GALNT11: variants seen among roughly 807,000 people sequenced by gnomAD.
GALNT11 encodes the protein polypeptide N-acetylgalactosaminyltransferase 11, also known as UDP-GalNAc:polypeptide N-acetylgalactosaminyltransferase 11.
GALNT11 carries 47 observed loss-of-function variants against 72.7 expected under a neutral mutation model. That is an observed-to-expected ratio of 0.65 (90% CI 0.51 to 0.82). GALNT11 has a LOEUF of 0.82. Ranked by LOEUF, GALNT11 falls within the 40% of genes least tolerant of loss-of-function variation. GALNT11 has a pLI of 0.00. For missense variants in GALNT11, 677 were observed against 778.4 expected, an observed-to-expected ratio of 0.87 and a Z score of 1.55; for synonymous variants, 270 against 286.6, an observed-to-expected ratio of 0.94 and a Z score of 0.58.
At chr7:152,058,579 G>A (rs967318753) in intron 1 of GALNT11, among the ~76,000 whole-genome samples, 4 of 151,990 alleles carry the variant, frequency 2.6e-5, no homozygotes, top group Admixed American at 6.6e-5. Flanking sequence ...CAAATGATCC[G>A]CCTGTCTCGG....
intron 1 of GALNT11, among the ~76,000 whole-genome samples, chr7:152,093,235 G>GA (rs779508496): frequency 0.06 from 6,571 of 109,830 alleles, 272 homozygotes; most frequent in African/African-American, 0.15. Context: ...TCTTAAAAAG[G>GA]AAAAAAAAAA....
At chr7:152,053,854 G>A (rs1016029988) in intron 1 of GALNT11, among the ~76,000 whole-genome samples, 10 of 152,058 alleles carry the variant, frequency 6.6e-5, no homozygotes, top group African/African-American at 2.4e-4. Context: ...AATAAACCTT[G>A]CAATTTATAA....
chr7:152,053,195 C>T (rs1276394621), intron 1 of GALNT11, among the ~76,000 whole-genome samples: 1 of 152,172 alleles, frequency 6.6e-6, no homozygotes, highest in Non-Finnish European at 1.5e-5. Flanking sequence ...AAGACAATAC[C>T]CTTTTTGCAT....
chr7:152,072,097 A>ATCACTTGAGG (rs2084684957), intron 1 of GALNT11, among the ~76,000 whole-genome samples: 1 of 151,354 alleles, frequency 6.6e-6, no homozygotes, highest in Non-Finnish European at 1.5e-5. Flanking sequence ...AGGCAGGTGG[A>ATCACTTGAGG]TCACTTGAGG....
intron 5 of GALNT11, chr7:152,107,735 G>T: frequency 4.3e-6 from 1 of 233,876 alleles, no homozygotes; most frequent in East Asian, 8.6e-5. Context: ...GAGTTGTTAC[G>T]GTGAGACTTT....
intron 1 of GALNT11, among the ~76,000 whole-genome samples, chr7:152,071,551 A>G (rs974763498): frequency 6.6e-6 from 1 of 152,144 alleles, no homozygotes; most frequent in Non-Finnish European, 1.5e-5. Context: ...TGTGCAGTTA[A>G]TGCAATTATC....
At chr7:152,068,410 T>C (rs1347596273) in intron 1 of GALNT11, among the ~76,000 whole-genome samples, 2 of 152,236 alleles carry the variant, frequency 1.3e-5, no homozygotes, top group African/African-American at 2.4e-5. Context: ...TTCATTCATC[T>C]TTTGAGGGAC....
chr7:152,055,330 T>C (rs574110695), intron 1 of GALNT11, among the ~76,000 whole-genome samples: 1 of 152,286 alleles, frequency 6.6e-6, no homozygotes, highest in African/African-American at 2.4e-5. Flanking sequence ...CAGCAGATAT[T>C]TTCTTAAACT....
chr7:152,080,303 C>G (rs555208607), intron 1 of GALNT11, among the ~76,000 whole-genome samples: 1 of 152,232 alleles, frequency 6.6e-6, no homozygotes, highest in South Asian at 2.1e-4. Flanking sequence ...TATCCTATTT[C>G]TTTCATAGCC....
intron 1 of GALNT11, among the ~76,000 whole-genome samples, chr7:152,032,485 C>T (rs1022828528): frequency 6.6e-6 from 1 of 152,208 alleles, no homozygotes; most frequent in South Asian, 2.1e-4. Context: ...TAAGATCTTG[C>T]ACTAGACTCC....
chr7:152,111,869 T>C (rs2129062645), intron 7 of GALNT11, among the ~76,000 whole-genome samples: 1 of 152,254 alleles, frequency 6.6e-6, no homozygotes, highest in South Asian at 2.1e-4. Flanking sequence ...CCATTGTACT[T>C]TCAGAAACAG....
intron 1 of GALNT11, among the ~76,000 whole-genome samples, chr7:152,068,178 G>A (rs1007731574): frequency 2.0e-5 from 3 of 151,940 alleles, no homozygotes; most frequent in Non-Finnish European, 4.4e-5. Flanking sequence ...TGAACCCTCT[G>A]CCTCCCCACC....
chr7:152,109,056 T>A (rs1051421935), intron 6 of GALNT11, among the ~76,000 whole-genome samples: 5 of 152,242 alleles, frequency 3.3e-5, no homozygotes, highest in South Asian at 2.1e-4. Context: ...GTTATATAAT[T>A]TAAACCCCAG....
At position 152,108,020 on chromosome 7, in the gene GALNT11, CTGT is replaced by C; in HGVS notation, c.713-13_713-11del. 1.9e-6 allele frequency: 3 copies of C among 1,597,758 alleles called. No individual in the cohort carries two copies. Among genetic ancestry groups the C allele is most frequent in the Non-Finnish European group, 2.6e-6 (3 of 1,167,808 alleles). ...AGTGTTGTGACACTCTCCTGAGCCT[CTGT>C]TGTTTCCTCCCCAGGAGAAGTCCTT... On this transcript the variant is annotated splice_polypyrimidine_tract_variant and intron_variant, in intron 5 of 11. Coordinates refer to ENST00000430044, the MANE Select transcript of GALNT11 (RefSeq NM_022087.4).
At position 152,122,022 on chromosome 7, in the gene GALNT11, A is replaced by T. The variant is rs75094834; in HGVS notation, c.*345A>T. Reference sequence around the variant, plus strand: ...TCTAGAATTGGGCTTGTACAGAAGGATAAAACCCAGGAAAATGGATATTTC... The same window carrying T: ...TCTAGAATTGGGCTTGTACAGAAGGTTAAAACCCAGGAAAATGGATATTTC... On this transcript the variant is annotated 3_prime_UTR_variant, in exon 12 of 12. Coordinates refer to ENST00000430044, the MANE Select transcript of GALNT11 (RefSeq NM_022087.4). 1 of 187,290 alleles carries T rather than the reference A, an allele frequency of 5.3e-6. No homozygotes were observed. The highest frequency in any genetic ancestry group is 1.1e-5 in the Non-Finnish European group (1 of 90,522). The allele number at this position is 187,290 out of a possible 1,614,324, so 11.6% of individuals were successfully genotyped here.
chr7:152,106,527 T>C (rs2087575038), intron 5 of GALNT11, among the ~76,000 whole-genome samples: 1 of 152,226 alleles, frequency 6.6e-6, no homozygotes, highest in Admixed American at 6.5e-5. Context: ...TGAGACTTTT[T>C]TTCTAGGTTT....
intron 1 of GALNT11, 43 bp downstream of exon 1, chr7:152,025,927 C>T (rs1289716913): frequency 1.9e-5 from 2 of 108,012 alleles, no homozygotes; most frequent in Non-Finnish European, 3.7e-5. Flanking sequence ...TCCCTCAGCA[C>T]CTCGAGAGCT....
intron 1 of GALNT11, among the ~76,000 whole-genome samples, chr7:152,063,309 T>C (rs1352495105): frequency 5.9e-5 from 9 of 152,190 alleles, no homozygotes; most frequent in Admixed American, 5.9e-4. Context: ...TCGGTGGTGA[T>C]ATCCCCTTTA....
At chr7:152,072,167 A>G (rs2084689170) in intron 1 of GALNT11, among the ~76,000 whole-genome samples, 2 of 151,916 alleles carry the variant, frequency 1.3e-5, no homozygotes, top group South Asian at 4.2e-4. Flanking sequence ...TAAAAACACA[A>G]AATTAGCTGG....
Sources: allele counts gnomAD v4.1 joint callset (sites outside exome capture counted in the v4.1 genomes callset), GRCh38; gene constraint gnomAD v4.1.1; transcripts MANE v1.5; gene names NCBI Gene and HGNC (gene_info 2026-07-23, HGNC 2026-07-21).